Variants in ANO1 observed in about 807,000 individuals in gnomAD.
The protein encoded by ANO1 is anoctamin 1, also known as anoctamin-1.
Under a neutral mutation model 124.0 loss-of-function variants are expected in ANO1, and 59 were observed. The observed-to-expected ratio is 0.48, with a 90% CI of 0.39 to 0.59. The LOEUF is 0.59. ANO1 is among the 20% of genes least tolerant of loss of function. ANO1 has a pLI of 0.00. For synonymous variants in ANO1, 529 were observed against 532.0 expected, an observed-to-expected ratio of 0.99 and a Z score of 0.08; for missense variants, 1,059 against 1,328.0, an observed-to-expected ratio of 0.80 and a Z score of 3.15.
intron 1 of ANO1, among the ~76,000 whole-genome samples, chr11:70,046,219 G>A (rs1243100259): frequency 1.3e-5 from 2 of 152,162 alleles, no homozygotes; most frequent in African/African-American, 4.8e-5. Context: ...ATAAAAGCTT[G>A]TATGGTTCCC....
chr11:70,134,839 GC>G (rs1401450437), intron 11 of ANO1, among the ~76,000 whole-genome samples: 1 of 152,204 alleles, frequency 6.6e-6, no homozygotes, highest in East Asian at 1.9e-4. Context: ...TCAAGAGAAG[GC>G]CCCATGGGAA....
At chr11:70,011,523 A>C (rs1353444702) in intron 1 of ANO1, among the ~76,000 whole-genome samples, 4 of 152,016 alleles carry the variant, frequency 2.6e-5, no homozygotes, top group African/African-American at 9.7e-5. Flanking sequence ...CATATCCTTC[A>C]TCCATTTTCA....
At chr11:70,000,108 C>T (rs1441145211) in intron 1 of ANO1, among the ~76,000 whole-genome samples, 2 of 152,132 alleles carry the variant, frequency 1.3e-5, no homozygotes, top group African/African-American at 2.4e-5. Context: ...TAACTGCAAC[C>T]AAGTGAGGTC....
intron 1 of ANO1, among the ~76,000 whole-genome samples, chr11:70,050,155 C>T (rs909586656): frequency 4.6e-5 from 7 of 152,270 alleles, no homozygotes; most frequent in South Asian, 2.1e-4. Context: ...GACATGGTCC[C>T]TTCACCTGGA....
intron 1 of ANO1, among the ~76,000 whole-genome samples, chr11:70,010,162 T>TGG: frequency 1.3e-5 from 1 of 75,342 alleles, no homozygotes; most frequent in African/African-American, 4.7e-5. Flanking sequence ...TGTGTGTGTG[T>TGG]GTGCGCGTGT....
chr11:70,078,511 G>A lies in ANO1; in HGVS notation c.-96G>A, dbSNP rs1380407664. ...CGGGGAGGCCCGGCCCCCTGCGAGC[G>A]CGCCGCGAACGCTGCGGTCTCCGCC... On this transcript the variant is annotated 5_prime_UTR_variant, in exon 1 of 26. Coordinates refer to ENST00000355303, the MANE Select transcript of ANO1 (RefSeq NM_018043.7). 8.0e-6 allele frequency: 5 copies of A among 625,048 alleles called. No homozygotes were observed. The highest frequency in any genetic ancestry group is 8.7e-5 in the East Asian group (1 of 11,518). 38.7% of individuals were successfully genotyped at this position (625,048 alleles called of 1,614,324 possible). A position where few individuals can be genotyped will look rare whatever the true frequency, so the allele number is the denominator to read the frequency against.
intron 1 of ANO1, among the ~76,000 whole-genome samples, chr11:70,036,891 G>A (rs1555004486): frequency 6.6e-6 from 1 of 152,218 alleles, no homozygotes; most frequent in East Asian, 1.9e-4. Flanking sequence ...ACAGGCGTGA[G>A]CCACCGTGCC....
At position 70,019,295 on chromosome 11, in the gene ANO1, C is replaced by T. The variant is rs148144485; in HGVS notation, c.58+33129C>T. Among the ~76,000 whole-genome samples the T allele has an allele frequency of 1.7e-4, 25 of 148,670 alleles. No homozygotes were observed. In the East Asian group the frequency reaches 2.8e-3, roughly 17 times the overall value. On this transcript the variant is annotated intron_variant, in intron 1 of 27. Transcript: ENST00000531349. ...CCCCCGTCTATGGACTCACAACCCA[C>T]GCTACACACATGCCATGCACATGCA... is the stretch of plus-strand genomic sequence containing the variant.
intron 1 of ANO1, among the ~76,000 whole-genome samples, chr11:70,086,778 C>A (rs555927657): frequency 6.6e-6 from 1 of 152,336 alleles, no homozygotes; most frequent in East Asian, 1.9e-4. Context: ...TAGCGGTGGC[C>A]GCTCCTTAAC....
intron 11 of ANO1, among the ~76,000 whole-genome samples, chr11:70,134,394 T>C (rs2046874051): frequency 6.6e-6 from 1 of 152,214 alleles, no homozygotes; most frequent in South Asian, 2.1e-4. Context: ...TGTACATTTC[T>C]ATAGCGCCCC....
At position 70,163,275 on chromosome 11, in the gene ANO1, C is replaced by T. The variant is rs778373695; in HGVS notation, c.1893-8C>T. 2.5e-6 allele frequency: 4 copies of T among 1,612,982 alleles called. No individual in the cohort carries two copies. Among genetic ancestry groups the T allele is most frequent in the Non-Finnish European group, 3.4e-6 (4 of 1,179,718 alleles). ...TCTTTTCTCTAACGACCTCCCCCAT[C>T]GTTTCAGGTTTGTTGGACGCCCGGG... On this transcript the variant is annotated splice_region_variant and splice_polypyrimidine_tract_variant and intron_variant, in intron 18 of 25. Transcript: ENST00000355303.
At chr11:69,982,265 A>G (rs1001373534), upstream of ANO1, among the ~76,000 whole-genome samples, 1 of 152,150 alleles carries the variant, frequency 6.6e-6, no homozygotes, top group African/African-American at 2.4e-5. Flanking sequence ...GTTACTCGCC[A>G]GATGCCCCAC....
chr11:70,026,822 C>G (rs1235817659), intron 1 of ANO1, among the ~76,000 whole-genome samples: 1 of 152,184 alleles, frequency 6.6e-6, no homozygotes, highest in Non-Finnish European at 1.5e-5. Flanking sequence ...GGCACTGCCA[C>G]TGTGCTGACC....
intron 1 of ANO1, among the ~76,000 whole-genome samples, chr11:70,043,217 A>G (rs1032408902): frequency 6.6e-6 from 1 of 152,242 alleles, no homozygotes; most frequent in Non-Finnish European, 1.5e-5. Flanking sequence ...TGGGAGTAAC[A>G]ACAGATAGGG....
the ANO1 span, among the ~76,000 whole-genome samples, chr11:69,975,096 A>G: frequency 6.6e-6 from 1 of 152,144 alleles, no homozygotes; most frequent in Admixed American, 6.5e-5. Context: ...CGTGGCTACC[A>G]TGGCCACTGA....
chr11:70,134,873 C>T (rs936299559), intron 11 of ANO1, among the ~76,000 whole-genome samples: 15 of 152,332 alleles, frequency 9.8e-5, no homozygotes, highest in African/African-American at 3.6e-4. Flanking sequence ...GTGGCAGGAG[C>T]TCCAGGTGCA....
In ANO1 at chr11:70,010,177, G is replaced by GTATATATATATATATATATATATA. The variant is rs1168022913; in HGVS notation, c.58+24012_58+24013insATATATATATATATATATATATAT. Reference sequence around the variant, plus strand: ...TGTGTGTGTGTGTGCGCGTGTGTGTGTGTATATATATATATATATATCACA... The same window carrying GTATATATATATATATATATATATA: ...TGTGTGTGTGTGTGCGCGTGTGTGTGTATATATATATATATATATATATATGTATATATATATATATATATCACA... On this transcript the variant is annotated intron_variant, in intron 1 of 27. Coordinates refer to the ANO1 transcript ENST00000531349. Among the ~76,000 whole-genome samples the GTATATATATATATATATATATATA allele has an allele frequency of 2.2e-3, 121 of 54,438 alleles. 5 individuals are homozygous for GTATATATATATATATATATATATA. Among genetic ancestry groups the GTATATATATATATATATATATATA allele is most frequent in the African/African-American group, 6.7e-3 (118 of 17,590 alleles). The allele number at this position is 54,438 out of a possible 152,430, so 35.7% of individuals were successfully genotyped here.
At chr11:70,163,778 A>G (rs1400691288) in intron 19 of ANO1, among the ~76,000 whole-genome samples, 2 of 152,040 alleles carry the variant, frequency 1.3e-5, no homozygotes, top group Admixed American at 6.6e-5. Flanking sequence ...CTCTACTAAA[A>G]ACGCAAAAAA....
chr11:70,031,004 G>T (rs1856990821), intron 1 of ANO1, among the ~76,000 whole-genome samples: 1 of 152,222 alleles, frequency 6.6e-6, no homozygotes, highest in South Asian at 2.1e-4. Flanking sequence ...GAGTGCAGTG[G>T]CACAATCTCA....
Sources: allele counts gnomAD v4.1 joint callset (sites outside exome capture counted in the v4.1 genomes callset), GRCh38; gene constraint gnomAD v4.1.1; transcripts MANE v1.5; gene names NCBI Gene and HGNC (gene_info 2026-07-23, HGNC 2026-07-21).